The following VPS13C variants were observed in gnomAD, a reference collection of about 807,000 sequenced individuals.
VPS13C encodes the protein intermembrane lipid transfer protein VPS13C.
VPS13C carries 358 observed loss-of-function variants against 456.8 expected under a neutral mutation model. That is an observed-to-expected ratio of 0.78 (90% CI 0.72 to 0.86). VPS13C has a LOEUF of 0.86. VPS13C is among the 40% of genes least tolerant of loss of function. The probability of loss-of-function intolerance (pLI) is 0.00; values close to 1 mark genes in which losing one functional copy is unlikely to be tolerated. For missense variants in VPS13C, 4,818 were observed against 4,385.4 expected (o/e 1.10, Z -2.79); for synonymous variants, 1,578 against 1,486.7 (o/e 1.06, Z -1.41).
Position 61,908,983 on chromosome 15 carries a change from T to A in VPS13C, c.8978+9A>T. 1 of 1,612,534 alleles carries A rather than the reference T, an allele frequency of 6.2e-7. No homozygotes were observed. Among genetic ancestry groups the A allele is most frequent in the Non-Finnish European group, 8.5e-7 (1 of 1,179,340 alleles). ...AAAAGTATTTCCCATTAACCCTTTT[T>A]TCTCATACCTCTGTTTGTATGTGAG... On this transcript the variant is annotated intron_variant, in intron 65 of 84. Coordinates refer to ENST00000644861, the MANE Select transcript of VPS13C (RefSeq NM_020821.3).
chr15:61,997,785 T>A (rs1367030321), intron 16 of VPS13C, among the ~76,000 whole-genome samples: 1 of 152,166 alleles, frequency 6.6e-6, no homozygotes, highest in Admixed American at 6.5e-5. Context: ...AAAGCTACTA[T>A]CACCACTCAT....
At chr15:61,880,343 C>T (rs1274309741) in intron 73 of VPS13C, among the ~76,000 whole-genome samples, 1 of 152,172 alleles carries the variant, frequency 6.6e-6, no homozygotes, top group East Asian at 1.9e-4. Context: ...AGCACTTCTA[C>T]GCTTAATTAA....
chr15:61,890,441 CTTG>C (rs1242663393), intron 66 of VPS13C, 41 bp from the exon 67 acceptor site: 8 of 1,530,606 alleles, frequency 5.2e-6, no homozygotes, highest in Non-Finnish European at 6.3e-6. Context: ...CACATAGTAA[CTTG>C]TTATTATATA....
At chr15:62,048,394 G>A (rs867653275) in intron 1 of VPS13C, among the ~76,000 whole-genome samples, 203 of 151,606 alleles carry the variant, frequency 1.3e-3, no homozygotes, top group Middle Eastern at 3.4e-3. Context: ...GAGAATGATG[G>A]TTTCCAGTTT....
intron 5 of VPS13C, among the ~76,000 whole-genome samples, chr15:62,031,567 A>T (rs1353929521): frequency 6.6e-6 from 1 of 152,020 alleles, no homozygotes; most frequent in African/African-American, 2.4e-5. Flanking sequence ...CAATTCCTGA[A>T]TTCATCTTTT....
intron 74 of VPS13C, among the ~76,000 whole-genome samples, chr15:61,877,673 C>T (rs909840922): frequency 2.0e-5 from 3 of 151,856 alleles, no homozygotes; most frequent in Admixed American, 2.0e-4. Context: ...CTAACAAATG[C>T]AGTTTTCCAC....
chr15:62,048,565 T>C (rs931144973), intron 1 of VPS13C, among the ~76,000 whole-genome samples: 19 of 151,128 alleles, frequency 1.3e-4, no homozygotes, highest in South Asian at 4.2e-4. Context: ...AATAAACATA[T>C]GTGAGCATGT....
At chr15:61,857,322 C>A (rs1339061526) in intron 82 of VPS13C, among the ~76,000 whole-genome samples, 1 of 152,032 alleles carries the variant, frequency 6.6e-6, no homozygotes, top group Admixed American at 6.5e-5. Context: ...AGGAACAGAT[C>A]GTACTGGCAA....
At chr15:62,049,114 C>A (rs2048531039) in intron 1 of VPS13C, among the ~76,000 whole-genome samples, 1 of 152,038 alleles carries the variant, frequency 6.6e-6, no homozygotes, top group Admixed American at 6.6e-5. Flanking sequence ...TTAATTAGAT[C>A]CCATTTGTCT....
chr15:61,919,826 T>C (rs1006435669), intron 57 of VPS13C, among the ~76,000 whole-genome samples: 1 of 147,704 alleles, frequency 6.8e-6, no homozygotes, highest in African/African-American at 2.4e-5. Context: ...TATTTATATA[T>C]ATTATATAAT....
intron 66 of VPS13C, among the ~76,000 whole-genome samples, chr15:61,904,548 G>A (rs963612260): frequency 6.6e-6 from 1 of 150,950 alleles, no homozygotes; most frequent in African/African-American, 2.4e-5. Flanking sequence ...CAGTGTTGAT[G>A]GGAATGTAAA....
chr15:61,863,506 C>G lies in VPS13C; in HGVS notation c.10886G>C (p.Gly3629Ala), dbSNP rs1169727254. Residue 3629 changes from glycine to alanine, a missense_variant, in exon 82 of 85, where the codon GGA (glycine) becomes GCA (alanine). By Grantham distance (60) the Gly-to-Ala change is moderately conservative. Transcript: ENST00000644861. ...AGCACAGTGGTATCGGTAAGTCTCTCCTTCCAACTTTTTGATATGATTCTG... is the reference window on the plus strand; with the variant it reads ...AGCACAGTGGTATCGGTAAGTCTCTGCTTCCAACTTTTTGATATGATTCTG... ...LLENHIKKLE[G>A]ETYRYHCAIP... The G allele has an allele frequency of 6.2e-7, 1 of 1,612,628 alleles. No homozygotes were observed. The highest frequency in any genetic ancestry group is 8.5e-7 in the Non-Finnish European group (1 of 1,179,134).
intron 81 of VPS13C, 125 bp downstream of exon 81, chr15:61,868,534 T>C (rs1197948946): frequency 1.6e-5 from 12 of 774,184 alleles, no homozygotes; most frequent in Non-Finnish European, 2.1e-5. Flanking sequence ...AATTCTACTC[T>C]AGAAACTATG....
intron 9 of VPS13C, among the ~76,000 whole-genome samples, chr15:62,019,943 C>T (rs1171878207): frequency 6.7e-6 from 1 of 149,994 alleles, no homozygotes; most frequent in Non-Finnish European, 1.5e-5. Context: ...ATAAAAATGT[C>T]CAGCCTATAT....
intron 1 of VPS13C, among the ~76,000 whole-genome samples, chr15:62,059,995 G>A (rs978261890): frequency 6.6e-6 from 1 of 152,252 alleles, no homozygotes; most frequent in African/African-American, 2.4e-5. Context: ...ACAGAAACGG[G>A]CAGGGCGGGG....
rs1176462319 is a variant in VPS13C at position 61,868,829 on chromosome 15, T to G, written c.10749-56A>C. 17 of 1,345,194 alleles carry G rather than the reference T, an allele frequency of 1.3e-5. No homozygotes were observed. In the South Asian group the frequency reaches 2.1e-4, roughly 16 times the overall value. The allele number at this position is 1,345,194 out of a possible 1,614,324, so 83.3% of individuals were successfully genotyped here. A position where few individuals can be genotyped will look rare whatever the true frequency, so the allele number is the denominator to read the frequency against. On this transcript the variant is annotated intron_variant, in intron 80 of 84. Transcript: ENST00000644861. ...AATACGTGAGAGTCTTTCAAAATAA[T>G]GTGTGTGTTGATTAAATACATAAAT...
rs71125957 is a variant in VPS13C at position 61,902,884 on chromosome 15, G to GA, written c.9105+4379dup. On this transcript the variant is annotated intron_variant, in intron 66 of 84. Coordinates refer to ENST00000644861, the MANE Select transcript of VPS13C (RefSeq NM_020821.3). ...AAAGAAAAAAAGGGCATCCAAATTT[G>GA]AAAAAAAAAAAAAAGTCAAATTATC... 1.9e-3 allele frequency among the ~76,000 whole-genome samples: 249 copies of GA among 128,340 alleles called. 4 individuals carry two copies. The East Asian group carries it at 0.045, about 23-fold the overall frequency. 84.2% of individuals were successfully genotyped at this position (128,340 alleles called of 152,430 possible). A position where few individuals can be genotyped will look rare whatever the true frequency, so the allele number is the denominator to read the frequency against.
At chr15:61,944,623 G>A (rs188841335) in intron 45 of VPS13C, among the ~76,000 whole-genome samples, 1 of 152,182 alleles carries the variant, frequency 6.6e-6, no homozygotes, top group African/African-American at 2.4e-5. Flanking sequence ...AAAAGACACT[G>A]CGGACTACTA....
chr15:62,030,725 G>C (rs376199821), intron 5 of VPS13C, among the ~76,000 whole-genome samples: 3 of 152,046 alleles, frequency 2.0e-5, no homozygotes, highest in Non-Finnish European at 4.4e-5. Context: ...CAAGGAGATA[G>C]TAAGAGAAGT....
Sources: allele counts gnomAD v4.1 joint callset (sites outside exome capture counted in the v4.1 genomes callset), GRCh38; gene constraint gnomAD v4.1.1; transcripts MANE v1.5; gene names NCBI Gene and HGNC (gene_info 2026-07-23, HGNC 2026-07-21).